Variants in VPS16 observed in about 807,000 individuals in gnomAD.
VPS16 encodes VPS16 core subunit of CORVET and HOPS complexes.
Under a neutral mutation model 116.0 loss-of-function variants are expected in VPS16, and 82 were observed. The ratio of observed to expected loss-of-function variants is 0.71; its 90% CI spans 0.59 to 0.85. The LOEUF is 0.85. VPS16 is among the 40% of genes least tolerant of loss of function. The pLI, the probability that VPS16 is intolerant of heterozygous loss-of-function variation, is 0.00. For missense variants in VPS16, 928 were observed against 1,090.6 expected (o/e 0.85, Z 2.10); for synonymous variants, 406 against 420.7 (o/e 0.96, Z 0.43).
At chr20:2,846,155 C>T (rs1033045993) in intron 1 of VPS16, among the ~76,000 whole-genome samples, 7 of 127,792 alleles carry the variant, frequency 5.5e-5, no homozygotes, top group Admixed American at 9.8e-5. Context: ...CTCGCTCTGT[C>T]GCCCAGGCTG....
In VPS16 at chr20:2,864,696, G is replaced by A. The variant is rs1179133847; in HGVS notation, c.1926+42G>A. On this transcript the variant is annotated intron_variant, in intron 19 of 23. Transcript: ENST00000380445. This position sits in a 1 kb window ranked among gnomAD's most constrained non-coding sequence, Gnocchi z 5.2. ...GCGTGTGGGGCGTGTGGGGCATGTG[G>A]GCTGGGGCTGTTGGTCCGGTTCCTT... is the stretch of plus-strand genomic sequence containing the variant. The A allele has an allele frequency of 6.3e-7, 1 of 1,598,268 alleles. No homozygotes were observed. Among genetic ancestry groups the A allele is most frequent in the Non-Finnish European group, 8.6e-7 (1 of 1,168,518 alleles).
At chr20:2,845,235 C>T (rs73892691) in intron 1 of VPS16, among the ~76,000 whole-genome samples, 5,511 of 151,886 alleles carry the variant, frequency 0.036, 367 homozygotes, top group African/African-American at 0.13. Flanking sequence ...GGAAGAAATT[C>T]GTAATGACTG....
Position 2,865,450 on chromosome 20 carries a change from G to A in VPS16, c.2226G>A (p.Glu742=), listed in dbSNP as rs2146683237. 1 of 1,614,182 alleles carries A rather than the reference G, an allele frequency of 6.2e-7. No homozygotes were observed. Among genetic ancestry groups the A allele is most frequent in the East Asian group, 2.2e-5 (1 of 44,872 alleles). Reference sequence around the variant, plus strand: ...TGGCAGATTTGGAAGATTGGGAAGAGCTAGAGAAGTTTTCCAAGAGCAAGA... The same window carrying A: ...TGGCAGATTTGGAAGATTGGGAAGAACTAGAGAAGTTTTCCAAGAGCAAGA... ...TALADLEDWE[E]LEKFSKSKKS... Residue 742 remains glutamate, a synonymous_variant, in exon 22 of 24, where the codon GAG becomes GAA. Transcript: ENST00000380445. The surrounding 1 kb of genome is among the most constrained non-coding windows in gnomAD (Gnocchi z 5.2).
intron 1 of VPS16, among the ~76,000 whole-genome samples, chr20:2,852,841 GT>G (rs2089135059): frequency 6.6e-6 from 1 of 152,200 alleles, no homozygotes; most frequent in Non-Finnish European, 1.5e-5. Context: ...CTGAGTTGTG[GT>G]TGCTGAAGGT....
chr20:2,841,115 A>G (rs2088966610), intron 1 of VPS16: 1 of 493,382 alleles, frequency 2.0e-6, no homozygotes, highest in Non-Finnish European at 3.6e-6. Flanking sequence ...CTCGCGGGTG[A>G]CAGCGAGTGC....
At chr20:2,855,647 T>C (rs2089165720) in intron 1 of VPS16, among the ~76,000 whole-genome samples, 1 of 152,238 alleles carries the variant, frequency 6.6e-6, no homozygotes, top group Non-Finnish European at 1.5e-5. Context: ...CCTTTGTCAA[T>C]GATCTTCGCT....
At chr20:2,856,524 A>G (rs2089173457) in intron 1 of VPS16, among the ~76,000 whole-genome samples, 3 of 152,244 alleles carry the variant, frequency 2.0e-5, no homozygotes, top group South Asian at 4.1e-4. Context: ...AAAGTGCAAC[A>G]AAATGATGTA....
chr20:2,845,718 G>A (rs116162708), intron 1 of VPS16, among the ~76,000 whole-genome samples: 3,900 of 152,022 alleles, frequency 0.026, 138 homozygotes, highest in African/African-American at 0.076. Flanking sequence ...CAGTCTCCAG[G>A]ACTTTTTCAT....
In VPS16 at chr20:2,859,738, A is replaced by G. The variant is rs780893527; in HGVS notation, c.73A>G (p.Met25Val). ...GGGCAGGAAATATGAGCTGTACAGC[A>G]TGGACTGGGACCTGAAGGAGGAACT... ...AFYRKYELYS[M>V]DWDLKEELRD... Residue 25 changes from methionine (M) to valine (V), a missense_variant, in exon 2 of 24, where the codon ATG becomes GTG. By Grantham distance (21) the Met-to-Val change is conservative (BLOSUM62 1). Coordinates refer to ENST00000380445, the MANE Select transcript of VPS16 (RefSeq NM_022575.4). 4 of 1,613,604 alleles carry G rather than the reference A, an allele frequency of 2.5e-6. No homozygotes were observed. Among genetic ancestry groups the G allele is most frequent in the Non-Finnish European group, 3.4e-6 (4 of 1,179,790 alleles).
intron 1 of VPS16, among the ~76,000 whole-genome samples, chr20:2,849,403 C>T (rs939405022): frequency 4.7e-5 from 7 of 150,488 alleles, no homozygotes; most frequent in African/African-American, 1.2e-4. Context: ...TGGGTTCAAG[C>T]GATTCTTTTG....
rs139002250 is a variant in VPS16, at chr20:2,865,618, G to T, written c.2271+123G>T. ...CTGTTCAGCTGCCCGCATAGTTAGC[G>T]AGTGCTTCCTGTATACACATTTGTG... On this transcript the variant is annotated intron_variant, in intron 22 of 23. Transcript: ENST00000380445. This position sits in a 1 kb window ranked among gnomAD's most constrained non-coding sequence, Gnocchi z 5.2. 3.4e-6 allele frequency: 3 copies of T among 884,970 alleles called. No homozygotes were observed. The highest frequency in any genetic ancestry group is 2.6e-5 in the Admixed American group (1 of 38,036). 54.8% of individuals were successfully genotyped at this position (884,970 alleles called of 1,614,324 possible). A position where few individuals can be genotyped will look rare whatever the true frequency, so the allele number is the denominator to read the frequency against.
At chr20:2,841,871 A>C (rs1226333894) in intron 1 of VPS16, among the ~76,000 whole-genome samples, 1 of 151,342 alleles carries the variant, frequency 6.6e-6, no homozygotes, top group Non-Finnish European at 1.5e-5. Flanking sequence ...CTCCTGCCTC[A>C]GCCTCCCGAG....
chr20:2,849,110 T>G (rs997318146), intron 1 of VPS16, among the ~76,000 whole-genome samples: 2 of 152,110 alleles, frequency 1.3e-5, no homozygotes, highest in Non-Finnish European at 2.9e-5. Flanking sequence ...TTCAAGATTG[T>G]CAGTTTCATG....
intron 11 of VPS16, 49 bp downstream of exon 11, chr20:2,862,179 C>A: frequency 6.3e-7 from 1 of 1,576,606 alleles, no homozygotes; most frequent in Non-Finnish European, 8.6e-7. Flanking sequence ...CCTCCTGCCC[C>A]TGCGTGGGCA....
intron 1 of VPS16, among the ~76,000 whole-genome samples, chr20:2,857,689 T>A (rs1351692313): frequency 2.0e-5 from 3 of 151,982 alleles, no homozygotes; most frequent in Admixed American, 6.6e-5. Flanking sequence ...TTTGCATTTT[T>A]ATTTTAATTT....
At chr20:2,853,683 TA>T (rs2089144077) in intron 1 of VPS16, among the ~76,000 whole-genome samples, 1 of 152,064 alleles carries the variant, frequency 6.6e-6, no homozygotes, top group Non-Finnish European at 1.5e-5. Flanking sequence ...TTATTTTTTT[TA>T]TTTTTTGGGA....
chr20:2,861,331 T>C (rs1348041313), intron 8 of VPS16, 51 bp downstream of exon 8: 2 of 1,611,776 alleles, frequency 1.2e-6, no homozygotes, highest in African/African-American at 2.7e-5. Context: ...ATAGCTTGCT[T>C]CCTGGGACAA....
intron 1 of VPS16, among the ~76,000 whole-genome samples, chr20:2,844,947 C>T (rs1016423342): frequency 3.3e-5 from 5 of 149,970 alleles, no homozygotes; most frequent in African/African-American, 9.9e-5. Flanking sequence ...ATCTGAAGAA[C>T]GATGGGAAGC....
intron 1 of VPS16, among the ~76,000 whole-genome samples, chr20:2,845,047 A>T (rs1237926958): frequency 7.9e-6 from 1 of 126,902 alleles, no homozygotes; most frequent in Non-Finnish European, 1.6e-5. Flanking sequence ...TGTGTGTTTT[A>T]AGTTCCTTTT....
Sources: allele counts gnomAD v4.1 joint callset (sites outside exome capture counted in the v4.1 genomes callset), GRCh38; gene constraint gnomAD v4.1.1; non-coding constraint Gnocchi (gnomAD v3.1); transcripts MANE v1.5; gene names NCBI Gene and HGNC (gene_info 2026-07-23, HGNC 2026-07-21).